Variants in KHDRBS2 observed in about 807,000 individuals in gnomAD.
The protein encoded by KHDRBS2 is KH RNA binding domain containing, signal transduction associated 2, also known as KH domain-containing, RNA-binding, signal transduction-associated protein 2.
In KHDRBS2, 26 loss-of-function variants were observed where a neutral mutation model predicts 44.3. The observed-to-expected ratio is 0.59, with a 90% CI of 0.43 to 0.81. KHDRBS2 has a LOEUF of 0.81. Among genes scored for constraint, KHDRBS2 ranks in the 40% least tolerant of loss-of-function variants. The pLI, the probability that KHDRBS2 is intolerant of heterozygous loss-of-function variation, is 0.00. For missense variants in KHDRBS2, 476 were observed against 433.1 expected (o/e 1.10, Z -0.88); for synonymous variants, 194 against 151.1 (o/e 1.28, Z -2.08).
At chr6:62,153,935 C>A (rs1040263373) in intron 2 of KHDRBS2, among the ~76,000 whole-genome samples, 2 of 152,198 alleles carry the variant, frequency 1.3e-5, no homozygotes, top group African/African-American at 4.8e-5. Context: ...ACCTGCCTAT[C>A]CTGGAGTCAC....
At chr6:61,982,355 T>C (rs1774011226) in intron 3 of KHDRBS2, among the ~76,000 whole-genome samples, 1 of 152,002 alleles carries the variant, frequency 6.6e-6, no homozygotes, top group Non-Finnish European at 1.5e-5. Flanking sequence ...GATGCAACCT[T>C]CTGATGTCAT....
At chr6:61,570,986 G>A in the KHDRBS2 span, among the ~76,000 whole-genome samples, 1 of 151,306 alleles carries the variant, frequency 6.6e-6, no homozygotes, top group East Asian at 1.9e-4. Context: ...GTCTCACAGG[G>A]CCTATAAAAT....
intron 2 of KHDRBS2, among the ~76,000 whole-genome samples, chr6:62,134,475 G>C (rs758782398): frequency 2.5e-4 from 38 of 152,162 alleles, no homozygotes; most frequent in Non-Finnish European, 4.4e-4. Context: ...TTAGGGCATT[G>C]TGGAAGAGAA....
chr6:61,855,915 C>T (rs1295835573), intron 6 of KHDRBS2, among the ~76,000 whole-genome samples: 1 of 151,976 alleles, frequency 6.6e-6, no homozygotes, highest in African/African-American at 2.4e-5. Context: ...CCCACTCCTT[C>T]TGTTTTGGTT....
intron 1 of KHDRBS2, among the ~76,000 whole-genome samples, chr6:62,267,808 C>T (rs1011480041): frequency 2.0e-5 from 3 of 151,978 alleles, no homozygotes; most frequent in African/African-American, 7.2e-5. Context: ...AATCTATCAA[C>T]TACTACTTAA....
chr6:61,712,222 T>TA (rs1253075831), intron 7 of KHDRBS2, among the ~76,000 whole-genome samples: 1 of 151,806 alleles, frequency 6.6e-6, no homozygotes, highest in Admixed American at 6.6e-5. Context: ...CAGAAAAACA[T>TA]ACTCTGCCAC....
intron 2 of KHDRBS2, among the ~76,000 whole-genome samples, chr6:62,145,469 A>C (rs936733972): frequency 1.3e-5 from 2 of 151,856 alleles, no homozygotes; most frequent in African/African-American, 4.8e-5. Flanking sequence ...AAATTTTGCC[A>C]GTATCATATC....
At chr6:61,545,611 G>C in the KHDRBS2 span, among the ~76,000 whole-genome samples, 1 of 151,804 alleles carries the variant, frequency 6.6e-6, no homozygotes, top group Non-Finnish European at 1.5e-5. Flanking sequence ...GTAGCATACT[G>C]AATATGTTGA....
chr6:61,774,238 A>G (rs1028216493), intron 6 of KHDRBS2, among the ~76,000 whole-genome samples: 8 of 152,134 alleles, frequency 5.3e-5, no homozygotes, highest in Non-Finnish European at 1.0e-4. Flanking sequence ...TTTGGGCAGT[A>G]TGGCCATTTT....
At chr6:61,774,954 G>C (rs1781693380) in intron 6 of KHDRBS2, among the ~76,000 whole-genome samples, 1 of 151,972 alleles carries the variant, frequency 6.6e-6, no homozygotes, top group Non-Finnish European at 1.5e-5. Context: ...TGATCAAGTG[G>C]GCTTCAACCC....
chr6:61,646,324 T>C, the KHDRBS2 span, among the ~76,000 whole-genome samples: 1 of 152,184 alleles, frequency 6.6e-6, no homozygotes, highest in Non-Finnish European at 1.5e-5. Context: ...GTAACAAGTC[T>C]CTTAACACAG....
chr6:61,664,340 C>A, the KHDRBS2 span, among the ~76,000 whole-genome samples: 1 of 151,562 alleles, frequency 6.6e-6, no homozygotes, highest in Admixed American at 6.6e-5. Flanking sequence ...TATATTTATC[C>A]ATTGTTATTC....
At chr6:62,165,107 C>T (rs1818403570) in intron 2 of KHDRBS2, among the ~76,000 whole-genome samples, 1 of 151,596 alleles carries the variant, frequency 6.6e-6, no homozygotes, top group Non-Finnish European at 1.5e-5. Flanking sequence ...TTTCCTTGTG[C>T]AGAAGTTTTA....
chr6:62,041,824 C>T (rs187875091), intron 3 of KHDRBS2, among the ~76,000 whole-genome samples: 50 of 152,116 alleles, frequency 3.3e-4, no homozygotes, highest in Non-Finnish European at 7.4e-5. Flanking sequence ...TAAAACATTA[C>T]TACCCCATAT....
At chr6:61,753,018 T>C (rs986905267) in intron 6 of KHDRBS2, among the ~76,000 whole-genome samples, 3 of 152,174 alleles carry the variant, frequency 2.0e-5, no homozygotes, top group East Asian at 1.9e-4. Context: ...TTGGGTATTT[T>C]ATTCATAAGC....
At chr6:61,906,606 A>G (rs1183435063) in intron 4 of KHDRBS2, among the ~76,000 whole-genome samples, 2 of 152,026 alleles carry the variant, frequency 1.3e-5, no homozygotes, top group Non-Finnish European at 2.9e-5. Flanking sequence ...CCATGAGTTC[A>G]ATTTTTTTAA....
chr6:61,843,341 T>TTTATTATTATTATTATTATTATTA (rs70993183), intron 6 of KHDRBS2, among the ~76,000 whole-genome samples: 1 of 143,374 alleles, frequency 7.0e-6, no homozygotes, highest in African/African-American at 2.6e-5. Context: ...TTATATCTAT[T>TTTATTATTATTATTATTATTATTA]TTATTATTAT....
chr6:61,797,032 A>G (rs1785465834), intron 6 of KHDRBS2, among the ~76,000 whole-genome samples: 1 of 152,138 alleles, frequency 6.6e-6, no homozygotes, highest in Admixed American at 6.6e-5. Flanking sequence ...AATAAAACGA[A>G]GTAGTCTGGT....
intron 3 of KHDRBS2, among the ~76,000 whole-genome samples, chr6:62,034,108 T>C (rs1321595698): frequency 6.6e-6 from 1 of 151,534 alleles, no homozygotes; most frequent in Non-Finnish European, 1.5e-5. Flanking sequence ...CTACCAACAA[T>C]GAACCAGGAA....
Sources: allele counts gnomAD v4.1 joint callset (sites outside exome capture counted in the v4.1 genomes callset), GRCh38; gene constraint gnomAD v4.1.1; transcripts MANE v1.5; gene names NCBI Gene and HGNC (gene_info 2026-07-23, HGNC 2026-07-21).